The following NEDD4L variants were observed in gnomAD, a reference collection of about 807,000 sequenced individuals.
NEDD4L encodes NEDD4 like E3 ubiquitin protein ligase, also known as E3 ubiquitin-protein ligase NEDD4-like.
A neutral mutation model predicts 148.9 loss-of-function variants in NEDD4L; 54 were observed. The observed-to-expected ratio is 0.36, with a 90% CI of 0.29 to 0.45. The LOEUF (loss-of-function observed/expected upper bound fraction) is 0.45, where lower values mean the gene tolerates loss of function less well. NEDD4L is among the 20% of genes least tolerant of loss of function. The probability of loss-of-function intolerance (pLI) is 1.00; values close to 1 mark genes in which losing one functional copy is unlikely to be tolerated. For missense variants in NEDD4L, 856 were observed against 1,233.8 expected (o/e 0.69, Z 4.59); for synonymous variants, 433 against 440.7 (o/e 0.98, Z 0.22).
chr18:58,118,751 C>T (rs146374688), intron 1 of NEDD4L, among the ~76,000 whole-genome samples: 1,573 of 152,274 alleles, frequency 0.01, 16 homozygotes, highest in South Asian at 0.012. Context: ...ATTTCTTCAT[C>T]TCCCAGCTGA....
At chr18:58,327,149 C>G (rs933585714) in intron 9 of NEDD4L, among the ~76,000 whole-genome samples, 1 of 152,128 alleles carries the variant, frequency 6.6e-6, no homozygotes, top group African/African-American at 2.4e-5. Flanking sequence ...ACTCTGTCAC[C>G]CACAGTGGCA....
chr18:58,081,238 T>C (rs745678689), intron 1 of NEDD4L, among the ~76,000 whole-genome samples: 4 of 137,080 alleles, frequency 2.9e-5, no homozygotes, highest in Non-Finnish European at 6.1e-5. Context: ...TTTTTTGAGA[T>C]GGAGTCACGC....
intron 1 of NEDD4L, among the ~76,000 whole-genome samples, chr18:58,152,137 A>G (rs1205595574): frequency 6.6e-6 from 1 of 152,160 alleles, no homozygotes; most frequent in Non-Finnish European, 1.5e-5. Flanking sequence ...ATTATAGACA[A>G]TTGTACTCAA....
At chr18:58,370,342 G>T in intron 22 of NEDD4L, 55 bp from the exon 23 acceptor site, 1 of 1,045,254 alleles carries the variant, frequency 9.6e-7, no homozygotes, top group South Asian at 1.3e-5. Flanking sequence ...TTCATGCTCT[G>T]ATACATAGCA....
At chr18:58,100,351 A>G (rs2084679491) in intron 1 of NEDD4L, among the ~76,000 whole-genome samples, 2 of 152,226 alleles carry the variant, frequency 1.3e-5, no homozygotes, top group African/African-American at 2.4e-5. Context: ...CAGAGTAATG[A>G]CAGTGTAATT....
chr18:58,167,888 G>A (rs547857990), intron 2 of NEDD4L, among the ~76,000 whole-genome samples: 3 of 151,870 alleles, frequency 2.0e-5, no homozygotes, highest in East Asian at 3.9e-4. Flanking sequence ...AGCTTGATTG[G>A]GTTTTTATTT....
At position 58,194,687 on chromosome 18, in the gene NEDD4L, C is replaced by A. The variant is rs377195871; in HGVS notation, c.122+28826C>A. Among the ~76,000 whole-genome samples, 9 of 151,996 alleles carry A rather than the reference C, an allele frequency of 5.9e-5. No individual in the cohort carries two copies. The East Asian group carries it at 7.7e-4, about 13-fold the overall frequency. ...TGATTTTAAAATTGGCCTCCCTAAT[C>A]TGTTGGAGACATTAGTTAAAAAAAA... On this transcript the variant is annotated intron_variant, in intron 2 of 30. Transcript: ENST00000400345.
At chr18:58,099,444 T>C (rs1012467000) in intron 1 of NEDD4L, among the ~76,000 whole-genome samples, 1 of 152,230 alleles carries the variant, frequency 6.6e-6, no homozygotes, top group Non-Finnish European at 1.5e-5. Context: ...AACTATTTTT[T>C]AATGGGAAAA....
intron 22 of NEDD4L, among the ~76,000 whole-genome samples, chr18:58,369,575 A>C (rs2046566996): frequency 6.6e-6 from 1 of 152,090 alleles, no homozygotes; most frequent in Non-Finnish European, 1.5e-5. Flanking sequence ...AGTCTATTGG[A>C]GCCTGCATAG....
intron 5 of NEDD4L, among the ~76,000 whole-genome samples, chr18:58,276,197 T>G (rs1600575797): frequency 2.3e-5 from 2 of 87,352 alleles, no homozygotes; most frequent in African/African-American, 4.7e-5. Context: ...CTTTTTCGTT[T>G]TTTTTTTTTT....
intron 1 of NEDD4L, among the ~76,000 whole-genome samples, chr18:58,076,700 G>T (rs1026485417): frequency 6.6e-6 from 1 of 152,052 alleles, no homozygotes; most frequent in African/African-American, 2.4e-5. Flanking sequence ...GTGGTTTTCA[G>T]ATCCTGCTGA....
chr18:58,360,814 A>AT (rs976997279), intron 19 of NEDD4L, among the ~76,000 whole-genome samples: 185 of 148,902 alleles, frequency 1.2e-3, no homozygotes, highest in Admixed American at 7.0e-3. Flanking sequence ...GAGCAAGCTC[A>AT]TTTTTTTTTC....
At chr18:58,179,455 G>T (rs2038574000) in intron 2 of NEDD4L, among the ~76,000 whole-genome samples, 1 of 152,152 alleles carries the variant, frequency 6.6e-6, no homozygotes, top group African/African-American at 2.4e-5. Context: ...GCTGTGTCTG[G>T]CTTTCAGTGT....
intron 2 of NEDD4L, among the ~76,000 whole-genome samples, chr18:58,237,720 ATC>A (rs2148286668): frequency 6.6e-6 from 1 of 152,340 alleles, no homozygotes; most frequent in East Asian, 1.9e-4. Context: ...AGCTCTGATG[ATC>A]TCTATGTAGA....
intron 1 of NEDD4L, among the ~76,000 whole-genome samples, chr18:58,158,074 T>C (rs1396611061): frequency 6.6e-6 from 1 of 152,226 alleles, no homozygotes; most frequent in Non-Finnish European, 1.5e-5. Context: ...TCTCTTATGA[T>C]CCTGAGTGAG....
In NEDD4L at chr18:58,398,188, A is replaced by T. The variant is rs905318962; in HGVS notation, c.*1919A>T. On this transcript the variant is annotated 3_prime_UTR_variant, in exon 31 of 31. Transcript: ENST00000400345. ...AAAAAAAAAAAAAAAAAAAAAAAAA[A>T]AAAAAATTCCCGCTCATGAGTTTTG... 4 of 148,102 alleles carry T rather than the reference A, an allele frequency of 2.7e-5. 1 individual carries two copies. Among genetic ancestry groups the T allele is most frequent in the African/African-American group, 1.0e-4 (4 of 38,978 alleles). The allele number at this position is 148,102 out of a possible 1,614,324, so 9.2% of individuals were successfully genotyped here.
chr18:58,153,989 C>G (rs77057770), intron 1 of NEDD4L, among the ~76,000 whole-genome samples: 1,663 of 152,256 alleles, frequency 0.011, 27 homozygotes, highest in African/African-American at 0.037. Flanking sequence ...AACATTGTTA[C>G]AAAAACCAAG....
intron 1 of NEDD4L, among the ~76,000 whole-genome samples, chr18:58,122,889 C>T (rs1000215855): frequency 6.6e-6 from 1 of 152,102 alleles, no homozygotes. Flanking sequence ...TGTGCCACCA[C>T]GCCTGGCTCA....
intron 2 of NEDD4L, among the ~76,000 whole-genome samples, chr18:58,229,870 G>A (rs1212258006): frequency 6.6e-6 from 1 of 152,076 alleles, no homozygotes; most frequent in Admixed American, 6.5e-5. Flanking sequence ...GGCACCTGTA[G>A]TCCCAGCTAC....
Sources: gnomAD v4.1 joint callset for allele counts (sites outside exome capture counted in the v4.1 genomes callset) on GRCh38, gnomAD v4.1.1 for gene constraint, MANE v1.5 for transcripts, NCBI Gene and HGNC (gene_info 2026-07-23, HGNC 2026-07-21) for gene names.